DOCK8: variants seen among roughly 807,000 people sequenced by gnomAD.
DOCK8 encodes the protein dedicator of cytokinesis 8.
DOCK8 carries 141 observed loss-of-function variants against 245.6 expected under a neutral mutation model. The ratio of observed to expected loss-of-function variants is 0.57; its 90% CI spans 0.50 to 0.66. The LOEUF (loss-of-function observed/expected upper bound fraction) is 0.66, where lower values mean the gene tolerates loss of function less well. Among genes scored for constraint, DOCK8 ranks in the 30% least tolerant of loss-of-function variants. DOCK8 has a pLI of 0.00. For synonymous variants in DOCK8, 1,168 were observed against 970.2 expected (o/e 1.20, Z -3.79); for missense variants, 2,965 against 2,603.4 (o/e 1.14, Z -3.02).
chr9:310,747 C>A lies in DOCK8; in HGVS notation c.529-1207C>A, dbSNP rs1350595732. On this transcript the variant is annotated intron_variant, in intron 5 of 47. Coordinates refer to ENST00000432829, the MANE Select transcript of DOCK8 (RefSeq NM_203447.4). The stretch of plus-strand genomic sequence containing the variant: ...AAGTGCTGGGATTACAGGCATGAGC[C>A]CAATATTTTAAAAATAGTACATTAT... Among the ~76,000 whole-genome samples, 7 of 152,248 alleles carry A rather than the reference C, an allele frequency of 4.6e-5. No homozygotes were observed. The East Asian group carries it at 9.6e-4, about 21-fold the overall frequency.
At chr9:429,604 C>T (rs184695071) in intron 35 of DOCK8, 98 bp from the exon 36 acceptor site, 2 of 1,448,000 alleles carry the variant, frequency 1.4e-6, no homozygotes, top group East Asian at 2.3e-5. Flanking sequence ...CTCTTCTAGG[C>T]TTTTTGCTTG....
chr9:451,271 A>T (rs1183470389), intron 45 of DOCK8, among the ~76,000 whole-genome samples: 1 of 152,092 alleles, frequency 6.6e-6, no homozygotes, highest in Non-Finnish European at 1.5e-5. Context: ...AGATTATGCC[A>T]CTGCGCTCCA....
At chr9:433,660 G>C (rs113603667) in intron 37 of DOCK8, among the ~76,000 whole-genome samples, 71 of 152,296 alleles carry the variant, frequency 4.7e-4, no homozygotes, top group African/African-American at 1.5e-3. Flanking sequence ...CAGATTTCTG[G>C]ATCTCAAGGG....
chr9:406,110 G>A (rs778047868), intron 27 of DOCK8, among the ~76,000 whole-genome samples: 1 of 152,192 alleles, frequency 6.6e-6, no homozygotes, highest in Non-Finnish European at 1.5e-5. Flanking sequence ...AGGAATTACT[G>A]AGGACCGGTA....
At chr9:279,634 GA>G (rs1218992869) in intron 2 of DOCK8, among the ~76,000 whole-genome samples, 2 of 152,214 alleles carry the variant, frequency 1.3e-5, no homozygotes, top group Non-Finnish European at 2.9e-5. Flanking sequence ...AAGAGGGAGA[GA>G]GTGAACAACT....
intron 4 of DOCK8, among the ~76,000 whole-genome samples, chr9:294,730 T>C (rs1206718201): frequency 6.6e-6 from 1 of 152,192 alleles, no homozygotes; most frequent in Non-Finnish European, 1.5e-5. Flanking sequence ...AAACCCAGAT[T>C]GTACTCAGTT....
chr9:274,407 G>C (rs2129998772), intron 2 of DOCK8, among the ~76,000 whole-genome samples: 1 of 151,176 alleles, frequency 6.6e-6, no homozygotes, highest in East Asian at 1.9e-4. Flanking sequence ...TTCAGTATAT[G>C]GCTCTTGTTC....
At chr9:236,363 C>G (rs1424630884) in intron 1 of DOCK8, among the ~76,000 whole-genome samples, 1 of 152,202 alleles carries the variant, frequency 6.6e-6, no homozygotes. Context: ...GCTGCGTTAG[C>G]TTTGTCTACA....
At chr9:239,703 T>G (rs2047337257) in intron 1 of DOCK8, among the ~76,000 whole-genome samples, 1 of 152,188 alleles carries the variant, frequency 6.6e-6, no homozygotes, top group Non-Finnish European at 1.5e-5. Context: ...TTATCTCTAA[T>G]TCTTTGACTT....
chr9:410,274 G>T (rs1332685865), intron 28 of DOCK8, among the ~76,000 whole-genome samples: 1 of 152,138 alleles, frequency 6.6e-6, no homozygotes, highest in Admixed American at 6.5e-5. Flanking sequence ...CCCCCCTCAA[G>T]TAACCACTAT....
In DOCK8 at chr9:268,479, A is replaced by G. The variant is rs1052556252; in HGVS notation, c.54-3148A>G. ...AAAAATACTAGAGTTTTGACATAGG[A>G]CAACAGATCTTGCTTCAAAATGAAA... On this transcript the variant is annotated intron_variant, in intron 1 of 47. Transcript: ENST00000432829. 2.0e-5 allele frequency among the ~76,000 whole-genome samples: 3 copies of G among 152,218 alleles called. No homozygotes were observed. The South Asian group carries it at 6.2e-4, about 32-fold the overall frequency.
chr9:380,963 T>A (rs2053697256), intron 21 of DOCK8: 1 of 153,516 alleles, frequency 6.5e-6, no homozygotes, highest in African/African-American at 2.4e-5. Flanking sequence ...CAGAGCATGG[T>A]GGCACATACC....
chr9:231,509 G>A (rs375052119), intron 1 of DOCK8, among the ~76,000 whole-genome samples: 15 of 152,062 alleles, frequency 9.9e-5, no homozygotes, highest in Non-Finnish European at 2.2e-4. Flanking sequence ...CCATTTTCAC[G>A]ATATTGATTC....
Position 409,324 on chromosome 9 carries a change from G to A in DOCK8, c.3530+2255G>A, listed in dbSNP as rs2055599186. Among the ~76,000 whole-genome samples, 5 of 152,244 alleles carry A rather than the reference G, an allele frequency of 3.3e-5. 1 individual carries two copies. The South Asian group carries it at 1.0e-3, about 32-fold the overall frequency. On this transcript the variant is annotated intron_variant, in intron 28 of 47. Coordinates refer to ENST00000432829, the MANE Select transcript of DOCK8 (RefSeq NM_203447.4). The stretch of plus-strand genomic sequence containing the variant: ...AGTGTTTTTCAAGCATTTAGAAATT[G>A]TCTATCATCTTTGTGTTAAGCCAGC...
intron 30 of DOCK8, among the ~76,000 whole-genome samples, chr9:419,785 C>G (rs552420227): frequency 7.8e-4 from 119 of 152,302 alleles, no homozygotes; most frequent in African/African-American, 2.8e-3. Context: ...AATATTAAAG[C>G]AAATAGCCTG....
chr9:274,894 A>T (rs992995394), intron 2 of DOCK8, among the ~76,000 whole-genome samples: 12 of 152,208 alleles, frequency 7.9e-5, no homozygotes, highest in African/African-American at 2.9e-4. Context: ...TACAACCACC[A>T]TTTCAATGGC....
intron 24 of DOCK8, among the ~76,000 whole-genome samples, chr9:393,662 A>G (rs934437008): frequency 3.9e-5 from 6 of 152,200 alleles, no homozygotes; most frequent in African/African-American, 1.2e-4. Context: ...ACCTCTAGGA[A>G]GTCCCTTATG....
chr9:350,599 A>G (rs1212156951), intron 14 of DOCK8, among the ~76,000 whole-genome samples: 2 of 152,178 alleles, frequency 1.3e-5, no homozygotes, highest in African/African-American at 4.8e-5. Context: ...TCATTTTAAT[A>G]ACGAGCCAAC....
intron 33 of DOCK8, among the ~76,000 whole-genome samples, chr9:426,257 G>A (rs529335820): frequency 8.5e-5 from 13 of 152,330 alleles, no homozygotes; most frequent in Non-Finnish European, 1.6e-4. Flanking sequence ...GCAATGACCA[G>A]TAATGTCCGG....
Sources: allele counts gnomAD v4.1 joint callset (sites outside exome capture counted in the v4.1 genomes callset), GRCh38; gene constraint gnomAD v4.1.1; transcripts MANE v1.5; gene names NCBI Gene and HGNC (gene_info 2026-07-23, HGNC 2026-07-21).